KCNQ1: variants seen among roughly 807,000 people sequenced by gnomAD.
The protein encoded by KCNQ1 is potassium voltage-gated channel subfamily Q member 1, also known as potassium voltage-gated channel subfamily KQT member 1.
Under a neutral mutation model 72.4 loss-of-function variants are expected in KCNQ1, and 49 were observed. The observed-to-expected ratio is 0.68, with a 90% CI of 0.54 to 0.86. The LOEUF is 0.86. Ranked by LOEUF, KCNQ1 falls within the 40% of genes least tolerant of loss-of-function variation. KCNQ1 has a pLI of 0.00. For synonymous variants in KCNQ1, 450 were observed against 412.6 expected, an observed-to-expected ratio of 1.09 and a Z score of -1.10; for missense variants, 790 against 945.1, an observed-to-expected ratio of 0.84 and a Z score of 2.15.
intron 1 of KCNQ1, among the ~76,000 whole-genome samples, chr11:2,490,853 T>A (rs905043563): frequency 8.5e-5 from 13 of 152,230 alleles, no homozygotes; most frequent in Admixed American, 3.9e-4. Context: ...CATGCCTGGC[T>A]AATTTTTGTT....
chr11:2,821,047 C>A (rs1333598010), intron 15 of KCNQ1, among the ~76,000 whole-genome samples: 1 of 152,246 alleles, frequency 6.6e-6, no homozygotes, highest in East Asian at 1.9e-4. Context: ...GCCTGAACCT[C>A]CCTCTAAGGA....
chr11:2,523,474 G>C lies in KCNQ1; in HGVS notation c.387-4454G>C, dbSNP rs188074100. 2.0e-5 allele frequency among the ~76,000 whole-genome samples: 3 copies of C among 152,306 alleles called. No individual in the cohort carries two copies. The East Asian group carries it at 5.8e-4, about 29-fold the overall frequency. ...CTCGGCCTCCCAAAGTGCTGGGATTGCAGGTGTGAGCCGCCGCGCCCGGCC... is the reference window on the plus strand; with the variant it reads ...CTCGGCCTCCCAAAGTGCTGGGATTCCAGGTGTGAGCCGCCGCGCCCGGCC... On this transcript the variant is annotated intron_variant, in intron 1 of 15. Coordinates refer to ENST00000155840, the MANE Select transcript of KCNQ1 (RefSeq NM_000218.3).
In KCNQ1 at chr11:2,723,599, G is replaced by T. The variant is rs1413853822; in HGVS notation, c.1515-45245G>T. Among the ~76,000 whole-genome samples, 3 of 152,366 alleles carry T rather than the reference G, an allele frequency of 2.0e-5. No individual in the cohort carries two copies. The highest frequency in any genetic ancestry group is 7.2e-5 in the African/African-American group (3 of 41,590). ...CCTGAAGTCCAAAGAGGGGATGCCAGCCTCAAACTCAGCAGCTCGAAGTAG... is the reference window on the plus strand; with the variant it reads ...CCTGAAGTCCAAAGAGGGGATGCCATCCTCAAACTCAGCAGCTCGAAGTAG... On this transcript the variant is annotated intron_variant, in intron 11 of 15. Coordinates refer to ENST00000155840, the MANE Select transcript of KCNQ1 (RefSeq NM_000218.3). This position sits in a 1 kb window ranked among gnomAD's most constrained non-coding sequence, Gnocchi z 4.2.
At chr11:2,825,030 G>A (rs567328859) in intron 15 of KCNQ1, among the ~76,000 whole-genome samples, 14 of 152,350 alleles carry the variant, frequency 9.2e-5, no homozygotes, top group African/African-American at 2.9e-4. Flanking sequence ...GGCCAGCTCC[G>A]AGCTCAGACA....
intron 11 of KCNQ1, among the ~76,000 whole-genome samples, chr11:2,717,368 C>T (rs146178048): frequency 0.01 from 1,569 of 152,328 alleles, 8 homozygotes; most frequent in Non-Finnish European, 0.016. Flanking sequence ...CACACCTCTG[C>T]GCACAGTATG....
Position 2,509,821 on chromosome 11 carries a change from G to T in KCNQ1, c.387-18107G>T, listed in dbSNP as rs981976140. 7.9e-5 allele frequency among the ~76,000 whole-genome samples: 12 copies of T among 152,190 alleles called. No individual in the cohort carries two copies. Among genetic ancestry groups the T allele is most frequent in the African/African-American group, 2.9e-4 (12 of 41,436 alleles). ...AAGTGGACTGGGAGGTGTGGACAGG[G>T]AACCCTGGCGGGGCCGGCCAATGGT... On this transcript the variant is annotated intron_variant, in intron 1 of 15. Coordinates refer to ENST00000155840, the MANE Select transcript of KCNQ1 (RefSeq NM_000218.3). This position sits in a 1 kb window ranked among gnomAD's most constrained non-coding sequence, Gnocchi z 6.3.
chr11:2,757,853 T>C (rs1182737713), intron 11 of KCNQ1, among the ~76,000 whole-genome samples: 1 of 152,222 alleles, frequency 6.6e-6, no homozygotes, highest in Non-Finnish European at 1.5e-5. Context: ...TGGTCATTCA[T>C]AGGCCAAATA....
At position 2,677,623 on chromosome 11, in the gene KCNQ1, G is replaced by T. The variant is rs190063573; in HGVS notation, c.1514+15542G>T. ...CTGGATTTGTTTTTTTCTAAAACGT[G>T]TACATAATTGTAACTCTAACAACTG... On this transcript the variant is annotated intron_variant, in intron 11 of 15. Transcript: ENST00000155840. This position sits in a 1 kb window ranked among gnomAD's most constrained non-coding sequence, Gnocchi z 4.5. The T allele has an allele frequency of 4.8e-4, 190 of 398,414 alleles. No individual in the cohort carries two copies. Among genetic ancestry groups the T allele is most frequent in the African/African-American group, 3.3e-3 (160 of 48,678 alleles). The allele number at this position is 398,414 out of a possible 1,614,324, so 24.7% of individuals were successfully genotyped here. A position where few individuals can be genotyped will look rare whatever the true frequency, so the allele number is the denominator to read the frequency against.
Position 2,602,262 on chromosome 11 carries a change from G to C in KCNQ1, c.1393+13408G>C, listed in dbSNP as rs572830475. 3.3e-5 allele frequency among the ~76,000 whole-genome samples: 5 copies of C among 151,112 alleles called. No individual in the cohort carries two copies. Among genetic ancestry groups the C allele is most frequent in the Admixed American group, 6.6e-5 (1 of 15,156 alleles). On this transcript the variant is annotated intron_variant, in intron 10 of 15. Transcript: ENST00000155840. This position sits in a 1 kb window ranked among gnomAD's most constrained non-coding sequence, Gnocchi z 4.8. ...CCCTAAGACTCTTTTCAGACTTCTGGCCTCTAGAACTGTGAGAAAAAAAAA... is the reference window on the plus strand; with the variant it reads ...CCCTAAGACTCTTTTCAGACTTCTGCCCTCTAGAACTGTGAGAAAAAAAAA...
rs170762 is a variant in KCNQ1 at position 2,651,007 on chromosome 11, G to A, written c.1394-10954G>A. 0.094 allele frequency: 37,329 copies of A among 398,526 alleles called. 1,983 individuals are homozygous for A. Among genetic ancestry groups the A allele is most frequent in the Middle Eastern group, 0.15 (237 of 1,588 alleles). The allele number at this position is 398,526 out of a possible 1,614,324, so 24.7% of individuals were successfully genotyped here. ...AACTCTCTGGATTTGCCCACACCTA[G>A]TCTCTCCAGCTATCTCCCTGGTTAA... On this transcript the variant is annotated intron_variant, in intron 10 of 15. Coordinates refer to ENST00000155840, the MANE Select transcript of KCNQ1 (RefSeq NM_000218.3). The surrounding 1 kb of genome is among the most constrained non-coding windows in gnomAD (Gnocchi z 6.1).
At chr11:2,694,861 G>A (rs1850648368) in intron 11 of KCNQ1, 2 of 398,540 alleles carry the variant, frequency 5.0e-6, no homozygotes, top group Non-Finnish European at 8.8e-6. Context: ...AATTTCCTGT[G>A]AGATTTAAAT....
chr11:2,768,595 C>A lies in KCNQ1; in HGVS notation c.1515-249C>A, dbSNP rs1290697545. 1.3e-5 allele frequency among the ~76,000 whole-genome samples: 2 copies of A among 152,228 alleles called. No homozygotes were observed. Among genetic ancestry groups the A allele is most frequent in the Non-Finnish European group, 2.9e-5 (2 of 68,046 alleles). On this transcript the variant is annotated intron_variant, in intron 11 of 15. Coordinates refer to ENST00000155840, the MANE Select transcript of KCNQ1 (RefSeq NM_000218.3). The surrounding 1 kb of genome is among the most constrained non-coding windows in gnomAD (Gnocchi z 6.7). ...CTACCTGACCCCCTTCTGAATGACA[C>A]TCAAGGTAAGGGTCCCCTTCCCACT...
chr11:2,632,838 ATTCCATATC>A, intron 10 of KCNQ1: 1 of 398,432 alleles, frequency 2.5e-6, no homozygotes, highest in Non-Finnish European at 4.4e-6. Flanking sequence ...ATTTAAGTTG[ATTCCATATC>A]TTAACTGTTG....
intron 2 of KCNQ1, among the ~76,000 whole-genome samples, chr11:2,539,746 G>C (rs962667734): frequency 6.6e-6 from 1 of 152,254 alleles, no homozygotes; most frequent in East Asian, 1.9e-4. Context: ...GGGCCCCCAG[G>C]CTTCTCCATT....
At chr11:2,577,366 C>T (rs1219398328) in intron 6 of KCNQ1, among the ~76,000 whole-genome samples, 1 of 152,220 alleles carries the variant, frequency 6.6e-6, no homozygotes, top group Non-Finnish European at 1.5e-5. Context: ...GGGAGGCCTC[C>T]TTGAGGAAGT....
rs1847414298 is a variant in KCNQ1 at position 2,808,013 on chromosome 11, G to A, written c.1794+29976G>A. Among the ~76,000 whole-genome samples the A allele has an allele frequency of 3.3e-5, 5 of 152,184 alleles. 1 individual carries two copies. In the South Asian group the frequency reaches 1.0e-3, roughly 31 times the overall value. ...AACGGTCTCTCTGGGGGCAGGGCCG[G>A]TGGTACCTGGAGCCCTCCCCACTGA... On this transcript the variant is annotated intron_variant, in intron 15 of 15. Coordinates refer to ENST00000155840, the MANE Select transcript of KCNQ1 (RefSeq NM_000218.3). The surrounding 1 kb of genome is among the most constrained non-coding windows in gnomAD (Gnocchi z 6.0).
chr11:2,615,979 A>C, intron 10 of KCNQ1: 1 of 398,182 alleles, frequency 2.5e-6, no homozygotes, highest in Non-Finnish European at 4.4e-6. Context: ...CAGTGACGCC[A>C]TCTGTGTAGC....
chr11:2,656,543 C>T, intron 10 of KCNQ1: 1 of 398,660 alleles, frequency 2.5e-6, no homozygotes. Context: ...TCAGGCGCAA[C>T]ACCTTTCCAC....
Position 2,602,278 on chromosome 11 carries a change from GAA to G in KCNQ1, c.1393+13436_1393+13437del. ...AGACTTCTGGCCTCTAGAACTGTGAGAAAAAAAAAAAAAGCGTGTCTTGTTTT... is the reference window on the plus strand; with the variant it reads ...AGACTTCTGGCCTCTAGAACTGTGAGAAAAAAAAAAAGCGTGTCTTGTTTT... On this transcript the variant is annotated intron_variant, in intron 10 of 15. Coordinates refer to ENST00000155840, the MANE Select transcript of KCNQ1 (RefSeq NM_000218.3). The surrounding 1 kb of genome is among the most constrained non-coding windows in gnomAD (Gnocchi z 4.8). Among the ~76,000 whole-genome samples the G allele has an allele frequency of 7.3e-6, 1 of 136,886 alleles. No homozygotes were observed. The highest frequency in any genetic ancestry group is 3.6e-3 in the Middle Eastern group (1 of 274). 89.8% of individuals were successfully genotyped at this position (136,886 alleles called of 152,430 possible).
Sources: gnomAD v4.1 joint callset for allele counts (sites outside exome capture counted in the v4.1 genomes callset) on GRCh38, gnomAD v4.1.1 for gene constraint, Gnocchi (gnomAD v3.1) non-coding constraint, MANE v1.5 for transcripts, NCBI Gene and HGNC (gene_info 2026-07-23, HGNC 2026-07-21) for gene names.